Variants in PRMT9 observed in about 807,000 individuals in gnomAD.
PRMT9 encodes the protein protein arginine methyltransferase 9, also known as protein arginine N-methyltransferase 9.
Under a neutral mutation model 83.2 loss-of-function variants are expected in PRMT9, and 59 were observed. The observed-to-expected ratio is 0.71, with a 90% CI of 0.57 to 0.88. The LOEUF (loss-of-function observed/expected upper bound fraction) is 0.88, where lower values mean the gene tolerates loss of function less well. Among genes scored for constraint, PRMT9 ranks in the 40% least tolerant of loss-of-function variants. The probability of loss-of-function intolerance (pLI) is 0.00; values close to 1 mark genes in which losing one functional copy is unlikely to be tolerated. For missense variants in PRMT9, 947 were observed against 1,021.9 expected, an observed-to-expected ratio of 0.93 and a Z score of 1.00; for synonymous variants, 333 against 353.2, an observed-to-expected ratio of 0.94 and a Z score of 0.64.
chr4:147,668,432 C>G, intron 6 of PRMT9, 107 bp downstream of exon 6: 3 of 738,260 alleles, frequency 4.1e-6, no homozygotes, highest in Non-Finnish European at 7.1e-6. Context: ...TTTCCTGAGG[C>G]CTCCTCAGCA....
intron 10 of PRMT9, 184 bp from the exon 11 acceptor site, chr4:147,639,266 T>C: frequency 1.8e-6 from 1 of 561,366 alleles, no homozygotes; most frequent in Admixed American, 3.1e-5. Context: ...TGGCTTTCAT[T>C]AGAACTTTCA....
chr4:147,664,904 C>T (rs901503788), intron 6 of PRMT9, among the ~76,000 whole-genome samples: 7 of 151,770 alleles, frequency 4.6e-5, no homozygotes, highest in African/African-American at 1.5e-4. Context: ...CACCTGAGGT[C>T]GGGAGTTCGA....
chr4:147,682,305 G>C (rs527613720), intron 1 of PRMT9, among the ~76,000 whole-genome samples: 1 of 152,062 alleles, frequency 6.6e-6, no homozygotes, highest in Non-Finnish European at 1.5e-5. Flanking sequence ...TCAGCCTCTC[G>C]AGTAGCTGTG....
chr4:147,682,423 G>A lies in PRMT9; in HGVS notation c.189+1376C>T, dbSNP rs1040918025. ...ACTACTGACCTCAGGTGATCCACCC[G>A]TCTCTGCCTCCCAAAGTGCTGGGAT... On this transcript the variant is annotated intron_variant, in intron 1 of 11. Coordinates refer to ENST00000322396, the MANE Select transcript of PRMT9 (RefSeq NM_138364.4). Among the ~76,000 whole-genome samples, 10 of 152,178 alleles carry A rather than the reference G, an allele frequency of 6.6e-5. No individual in the cohort carries two copies. The South Asian group carries it at 1.0e-3, about 16-fold the overall frequency.
In PRMT9 at chr4:147,638,959, C is replaced by T. The variant is rs759209520; in HGVS notation, c.2322+1G>A. ...GAAATCATTTTGCATGTTGTCCTTA[C>T]CTTTACTTCTCTGTTAGAGGTGTTC... is the stretch of plus-strand genomic sequence containing the variant. On this transcript the variant is annotated splice_donor_variant, in intron 11 of 11. Transcript: ENST00000322396. LOFTEE classifies it high-confidence loss of function. 6.2e-7 allele frequency: 1 copy of T among 1,611,050 alleles called. No individual in the cohort carries two copies. The highest frequency in any genetic ancestry group is 2.2e-5 in the East Asian group (1 of 44,764).
rs1476871854 is a variant in PRMT9 at position 147,639,513 on chromosome 4, G to A, written c.2200-431C>T. Among the ~76,000 whole-genome samples the A allele has an allele frequency of 2.6e-5, 4 of 152,136 alleles. No homozygotes were observed. In the East Asian group the frequency reaches 5.8e-4, roughly 22 times the overall value. Reference sequence around the variant, plus strand: ...ATCAAACAATAGTTGATTTCATTTGGAAAATAAGTTTATTTCCAGAAGGCA... The same window carrying A: ...ATCAAACAATAGTTGATTTCATTTGAAAAATAAGTTTATTTCCAGAAGGCA... On this transcript the variant is annotated intron_variant, in intron 10 of 11. Coordinates refer to ENST00000322396, the MANE Select transcript of PRMT9 (RefSeq NM_138364.4).
intron 9 of PRMT9, among the ~76,000 whole-genome samples, chr4:147,650,582 C>A (rs889564978): frequency 1.3e-5 from 2 of 152,262 alleles, no homozygotes; most frequent in Non-Finnish European, 2.9e-5. Context: ...ATGGGAACAC[C>A]TGCAATCCAT....
chr4:147,646,480 T>C (rs1447650116), intron 9 of PRMT9, among the ~76,000 whole-genome samples: 2 of 152,072 alleles, frequency 1.3e-5, no homozygotes, highest in Admixed American at 6.6e-5. Flanking sequence ...AACGATACCA[T>C]GTGAGTCACT....
At chr4:147,675,847 C>A (rs1263351449) in intron 2 of PRMT9, among the ~76,000 whole-genome samples, 2 of 152,118 alleles carry the variant, frequency 1.3e-5, no homozygotes, top group Non-Finnish European at 2.9e-5. Context: ...TGCTACTGGA[C>A]TAACAAAAGG....
intron 2 of PRMT9, among the ~76,000 whole-genome samples, chr4:147,678,821 C>T (rs561171397): frequency 7.2e-5 from 11 of 152,292 alleles, no homozygotes; most frequent in Admixed American, 2.0e-4. Flanking sequence ...GTGCATCCTG[C>T]GTGACTTCAC....
chr4:147,669,801 AAC>A (rs1344032585), intron 5 of PRMT9, among the ~76,000 whole-genome samples: 1 of 152,250 alleles, frequency 6.6e-6, no homozygotes, highest in African/African-American at 2.4e-5. Flanking sequence ...TTTCATTGAT[AAC>A]ACATATCATA....
chr4:147,649,566 G>A (rs187315522), intron 9 of PRMT9, among the ~76,000 whole-genome samples: 272 of 152,090 alleles, frequency 1.8e-3, no homozygotes, highest in African/African-American at 4.7e-3. Flanking sequence ...GCAATGGCGC[G>A]ATCTCAGCTA....
At chr4:147,667,452 C>G (rs890994808) in intron 6 of PRMT9, among the ~76,000 whole-genome samples, 3 of 152,140 alleles carry the variant, frequency 2.0e-5, no homozygotes, top group Non-Finnish European at 4.4e-5. Context: ...CCTACATTTA[C>G]TTAAATGGAA....
In PRMT9 at chr4:147,654,078, A is replaced by G. The variant is rs1364950959; in HGVS notation, c.1819T>C (p.Tyr607His). The G allele has an allele frequency of 6.2e-7, 1 of 1,614,124 alleles. No individual in the cohort carries two copies. Among genetic ancestry groups the G allele is most frequent in the Non-Finnish European group, 8.5e-7 (1 of 1,180,046 alleles). The change falls in exon 9 of 12, where the codon TAC becomes CAC. Residue 607 changes from tyrosine to histidine, a missense_variant. Transcript: ENST00000322396. ...IAGTLGQVKPYSSVEKDQHRI... is the reference protein window; with the variant it reads ...IAGTLGQVKPHSSVEKDQHRI... Reference sequence around the variant, plus strand: ...TGCTGGTCTTTCTCCACAGAACTGTATGGTTTAACCTGCCCAAGTGTGCCA... The same window carrying G: ...TGCTGGTCTTTCTCCACAGAACTGTGTGGTTTAACCTGCCCAAGTGTGCCA...
intron 9 of PRMT9, among the ~76,000 whole-genome samples, chr4:147,650,959 A>G (rs1734058938): frequency 2.0e-5 from 3 of 152,090 alleles, no homozygotes; most frequent in Admixed American, 6.6e-5. Flanking sequence ...AAAATTAGCC[A>G]GCTGTGGTGG....
intron 1 of PRMT9, 67 bp downstream of exon 1, chr4:147,683,719 GCTTTTTTTTTTTT>G: frequency 7.9e-7 from 1 of 1,266,434 alleles, no homozygotes; most frequent in Non-Finnish European, 1.1e-6. Flanking sequence ...TAGCCCCTCC[GCTTTTTTTTTTTT>G]CTGTTTTTTT....
rs559276738 is a variant in PRMT9 at position 147,658,294 on chromosome 4, G to A, written c.1147-319C>T. 3.3e-5 allele frequency among the ~76,000 whole-genome samples: 5 copies of A among 151,988 alleles called. No individual in the cohort carries two copies. The South Asian group carries it at 1.0e-3, about 32-fold the overall frequency. On this transcript the variant is annotated intron_variant, in intron 7 of 11. Coordinates refer to ENST00000322396, the MANE Select transcript of PRMT9 (RefSeq NM_138364.4). ...GATTGTTTTGTTTAGAAAATAGAGG[G>A]GGATGGAGGGGGGTAGAGAGAGAGA... is the stretch of plus-strand genomic sequence containing the variant.
intron 7 of PRMT9, among the ~76,000 whole-genome samples, chr4:147,659,764 A>G (rs564888845): frequency 6.6e-6 from 1 of 151,998 alleles, no homozygotes; most frequent in African/African-American, 2.4e-5. Flanking sequence ...TTTTTTTAGT[A>G]GAGACAGGGT....
chr4:147,649,138 C>T (rs76386728), intron 9 of PRMT9, among the ~76,000 whole-genome samples: 2,413 of 151,014 alleles, frequency 0.016, 61 homozygotes, highest in African/African-American at 0.05. Context: ...GCTGACTGTT[C>T]ATGGCAGAGG....
Sources: allele counts gnomAD v4.1 joint callset (sites outside exome capture counted in the v4.1 genomes callset), GRCh38; gene constraint gnomAD v4.1.1; transcripts MANE v1.5; gene names NCBI Gene and HGNC (gene_info 2026-07-23, HGNC 2026-07-21).